The following SP100 variants were observed in gnomAD, a reference collection of about 807,000 sequenced individuals.
SP100 encodes nuclear autoantigen Sp-100.
Under a neutral mutation model 130.0 loss-of-function variants are expected in SP100, and 84 were observed. The ratio of observed to expected loss-of-function variants is 0.65; its 90% confidence interval spans 0.54 to 0.77. The LOEUF (loss-of-function observed/expected upper bound fraction) is 0.77, where lower values mean the gene tolerates loss of function less well. Ranked by LOEUF, SP100 falls within the 30% of genes least tolerant of loss-of-function variation. The probability of loss-of-function intolerance (pLI) is 0.00; values close to 1 mark genes in which losing one functional copy is unlikely to be tolerated. For missense variants in SP100, 978 were observed against 1,052.2 expected (o/e 0.93, Z 0.97); for synonymous variants, 331 against 351.7 (o/e 0.94, Z 0.66).
rs771157556 is a variant in SP100, at chr2:230,432,148, T to G, written c.108-10789T>G. ...TAAATGGACCATATATTATACGGTC[T>G]TTTACATCTGGGTTATTTCATCGAA... On this transcript the variant is annotated intron_variant, in intron 2 of 28. Coordinates refer to ENST00000340126, the MANE Select transcript of SP100 (RefSeq NM_001080391.2). Among the ~76,000 whole-genome samples the G allele has an allele frequency of 2.6e-4, 40 of 152,238 alleles. 1 individual carries two copies. The highest frequency in any genetic ancestry group is 1.3e-4 in the Admixed American group (2 of 15,282).
At position 230,473,366 on chromosome 2, in the gene SP100, T is replaced by A; in HGVS notation, c.1472T>A (p.Val491Asp). The stretch of plus-strand genomic sequence containing the variant: ...CCTGAAAATAAGAAGTGCTCCTGTG[T>A]CATGTGTTTTCCAAAAGGTGTGCCA... The part of the protein sequence containing the change: ...QEPENKKCSC[V>D]MCFPKGVPRS... Residue 491 changes from valine (V) to aspartate (D), a missense_variant, in exon 16 of 29, where the codon GTC (valine) becomes GAC (aspartate). By Grantham distance (152) the Val-to-Asp change is radical (BLOSUM62 -3). Transcript: ENST00000340126. The A allele has an allele frequency of 1.2e-6, 2 of 1,613,990 alleles. No homozygotes were observed. The highest frequency in any genetic ancestry group is 1.7e-6 in the Non-Finnish European group (2 of 1,179,890).
chr2:230,538,933 C>T (rs1262204506), intron 24 of SP100: 11 of 203,256 alleles, frequency 5.4e-5, no homozygotes, highest in Non-Finnish European at 1.0e-4. Flanking sequence ...TTAAAGGATA[C>T]GATGTAGACA....
intron 19 of SP100, among the ~76,000 whole-genome samples, chr2:230,500,426 G>T (rs115520092): frequency 0.017 from 2,573 of 152,292 alleles, 58 homozygotes; most frequent in African/African-American, 0.058. Context: ...CTGGTGTTTT[G>T]CCCTGAAGTT....
chr2:230,417,929 T>C lies in SP100; in HGVS notation c.107+264T>C, dbSNP rs1289798967. On this transcript the variant is annotated intron_variant, in intron 2 of 28. Transcript: ENST00000340126. ...CTTTTATCTTATTAAAGCTTAAAACTTAACATATAGGCCTCTTGTGATACA... is the reference window on the plus strand; with the variant it reads ...CTTTTATCTTATTAAAGCTTAAAACCTAACATATAGGCCTCTTGTGATACA... Among the ~76,000 whole-genome samples, 9 of 152,312 alleles carry C rather than the reference T, an allele frequency of 5.9e-5. No individual in the cohort carries two copies. In the East Asian group the frequency reaches 1.7e-3, roughly 29 times the overall value.
chr2:230,525,498 G>A (rs1360477578), intron 24 of SP100, among the ~76,000 whole-genome samples: 1 of 152,154 alleles, frequency 6.6e-6, no homozygotes, highest in Non-Finnish European at 1.5e-5. Flanking sequence ...CGAGACTGAA[G>A]AAGAAGACAG....
chr2:230,459,135 A>G (rs536979934), intron 8 of SP100, among the ~76,000 whole-genome samples: 25 of 152,340 alleles, frequency 1.6e-4, no homozygotes, highest in Non-Finnish European at 3.5e-4. Flanking sequence ...GACTATGAAT[A>G]GAAAAAACAT....
At chr2:230,515,727 A>G (rs1690881244) in intron 24 of SP100, 2 of 1,520,864 alleles carry the variant, frequency 1.3e-6, no homozygotes, top group East Asian at 2.2e-5. Flanking sequence ...AAAAACTTCA[A>G]CGTAAGACTG....
At chr2:230,482,741 T>C (rs1295382582) in intron 17 of SP100, among the ~76,000 whole-genome samples, 1 of 152,066 alleles carries the variant, frequency 6.6e-6, no homozygotes, top group Non-Finnish European at 1.5e-5. Flanking sequence ...TCTAGTCTGA[T>C]CCATTGCCCT....
At chr2:230,417,223 A>C (rs1454175653) in intron 1 of SP100, among the ~76,000 whole-genome samples, 2 of 152,044 alleles carry the variant, frequency 1.3e-5, no homozygotes, top group East Asian at 3.8e-4. Context: ...TAAATACGTA[A>C]TTTATGTTCT....
intron 8 of SP100, among the ~76,000 whole-genome samples, chr2:230,453,202 T>G (rs940784231): frequency 2.5e-4 from 38 of 152,280 alleles, no homozygotes; most frequent in Middle Eastern, 3.4e-3. Context: ...GACAAGTTCC[T>G]TATAAAACCA....
At chr2:230,476,877 T>C (rs1320617550) in intron 17 of SP100, among the ~76,000 whole-genome samples, 4 of 152,194 alleles carry the variant, frequency 2.6e-5, no homozygotes, top group Non-Finnish European at 1.5e-5. Flanking sequence ...TGTGTTTTTG[T>C]TTATTTTTGA....
chr2:230,525,639 G>A (rs1003038273), intron 24 of SP100, among the ~76,000 whole-genome samples: 3 of 152,120 alleles, frequency 2.0e-5, no homozygotes, highest in South Asian at 2.1e-4. Context: ...CAAGGGGTGG[G>A]GGGATTTCCC....
At position 230,416,287 on chromosome 2, in the gene SP100, G is replaced by C. The variant is rs781295761; in HGVS notation, c.-10G>C. On this transcript the variant is annotated 5_prime_UTR_variant, in exon 1 of 29. Coordinates refer to ENST00000340126, the MANE Select transcript of SP100 (RefSeq NM_001080391.2). ...GGCTCTGAGGCCCACGCAGGGCCTA[G>C]GGTGGGAAGATGGCAGGTGGGGGCG... The C allele has an allele frequency of 1.2e-6, 2 of 1,613,184 alleles. No individual in the cohort carries two copies.
intron 24 of SP100, chr2:230,516,165 T>C: frequency 6.3e-6 from 4 of 633,106 alleles, no homozygotes; most frequent in Non-Finnish European, 7.9e-6. Context: ...ACAAAGCCAA[T>C]CTCAATCCCT....
In SP100 at chr2:230,504,166, A is replaced by G. The variant is rs1281679587; in HGVS notation, c.1766-20A>G. 6.9e-7 allele frequency: 1 copy of G among 1,455,744 alleles called. No individual in the cohort carries two copies. Among genetic ancestry groups the G allele is most frequent in the Non-Finnish European group, 9.6e-7 (1 of 1,037,712 alleles). The allele number at this position is 1,455,744 out of a possible 1,614,324, so 90.2% of individuals were successfully genotyped here. On this transcript the variant is annotated intron_variant, in intron 20 of 28. Transcript: ENST00000340126. ...AGTTGTAAAAGTAGATGGAATGGAA[A>G]AAAAAATGCTTCCTTGCAGGTCCAA...
chr2:230,507,873 C>A, intron 22 of SP100, 120 bp from the exon 23 acceptor site: 1 of 837,364 alleles, frequency 1.2e-6, no homozygotes, highest in Non-Finnish European at 1.9e-6. Context: ...ATGAAAATAC[C>A]TTGAATTTGA....
At chr2:230,466,494 C>T (rs1236574740) in intron 12 of SP100, 140 bp downstream of exon 12, 1 of 595,316 alleles carries the variant, frequency 1.7e-6, no homozygotes, top group Non-Finnish European at 3.0e-6. Flanking sequence ...CTTTAAATTT[C>T]AATGGTTCCT....
chr2:230,523,770 A>G (rs1691283991), intron 24 of SP100, among the ~76,000 whole-genome samples: 2 of 151,982 alleles, frequency 1.3e-5, no homozygotes, highest in South Asian at 4.1e-4. Flanking sequence ...TTAGCTAGGC[A>G]TGGTGGCGGG....
intron 24 of SP100, among the ~76,000 whole-genome samples, chr2:230,525,758 T>C (rs1030539527): frequency 6.6e-6 from 1 of 152,228 alleles, no homozygotes; most frequent in Admixed American, 6.5e-5. Context: ...CATGCCTGCT[T>C]CAGCAGGTCC....
Sources: gnomAD v4.1 joint callset for allele counts (sites outside exome capture counted in the v4.1 genomes callset) on GRCh38, gnomAD v4.1.1 for gene constraint, MANE v1.5 for transcripts, NCBI Gene and HGNC (gene_info 2026-07-23, HGNC 2026-07-21) for gene names.